The following LZTS1 variants were observed in gnomAD, a reference collection of about 807,000 sequenced individuals.
LZTS1 encodes the protein leucine zipper tumor suppressor 1, also known as leucine zipper putative tumor suppressor 1.
LZTS1 carries 31 observed loss-of-function variants against 45.8 expected under a neutral mutation model. That is an observed-to-expected ratio of 0.68 (90% CI 0.51 to 0.91). LZTS1 has a LOEUF of 0.91. Ranked by LOEUF, LZTS1 falls within the 40% of genes least tolerant of loss-of-function variation. LZTS1 has a pLI of 0.00. For missense variants in LZTS1, 821 were observed against 788.9 expected (o/e 1.04, Z -0.49); for synonymous variants, 359 against 357.3 (o/e 1.00, Z -0.05).
Position 20,303,887 on chromosome 8 carries a change from C to G in LZTS1, c.-282G>C, listed in dbSNP as rs1318021111. 3.1e-5 allele frequency: 31 copies of G among 984,862 alleles called. No homozygotes were observed. The highest frequency in any genetic ancestry group is 3.7e-5 in the Non-Finnish European group (31 of 829,784). 61.0% of individuals were successfully genotyped at this position (984,862 alleles called of 1,614,324 possible). A position where few individuals can be genotyped will look rare whatever the true frequency, so the allele number is the denominator to read the frequency against. On this transcript the variant is annotated 5_prime_UTR_variant, in exon 1 of 4. Transcript: ENST00000381569. ...CAGCTCCCGGCTCCCACTCACTGGC[C>G]GAGGCGGGCAGAGAAACTTTCGGCC... is the stretch of plus-strand genomic sequence containing the variant.
At chr8:20,274,956 T>C (rs1473299716) in intron 1 of LZTS1, among the ~76,000 whole-genome samples, 1 of 138,764 alleles carries the variant, frequency 7.2e-6, no homozygotes, top group Non-Finnish European at 1.6e-5. Flanking sequence ...GTGGCTGCCA[T>C]GATACTGTGT....
At chr8:20,276,608 CAGTA>C (rs1386817593) in intron 1 of LZTS1, among the ~76,000 whole-genome samples, 2 of 152,216 alleles carry the variant, frequency 1.3e-5, no homozygotes, top group East Asian at 1.9e-4. Flanking sequence ...TACAATCAAT[CAGTA>C]AGTGTGTTTC....
At chr8:20,250,458 G>A (rs1283006200) in intron 3 of LZTS1, 95 bp from the exon 4 acceptor site, 9 of 1,256,846 alleles carry the variant, frequency 7.2e-6, no homozygotes, top group Admixed American at 2.6e-5. Context: ...AAGCCACTCC[G>A]GATGCGGTGG....
At chr8:20,259,295 C>T (rs140361384) in intron 1 of LZTS1, among the ~76,000 whole-genome samples, 1 of 152,224 alleles carries the variant, frequency 6.6e-6, no homozygotes, top group Non-Finnish European at 1.5e-5. Flanking sequence ...AAATACAAGG[C>T]CTGGCATGTA....
intron 1 of LZTS1, among the ~76,000 whole-genome samples, chr8:20,296,670 G>T (rs149336466): frequency 3.5e-4 from 54 of 152,310 alleles, no homozygotes; most frequent in African/African-American, 1.3e-3. Flanking sequence ...CAATGAGAGT[G>T]GATGAATGAA....
chr8:20,287,132 C>A (rs979713771), intron 1 of LZTS1, among the ~76,000 whole-genome samples: 1 of 152,282 alleles, frequency 6.6e-6, no homozygotes, highest in Non-Finnish European at 1.5e-5. Context: ...TTCTTTCTGC[C>A]CAATTTACCA....
chr8:20,294,804 G>A (rs1045727622), intron 1 of LZTS1, among the ~76,000 whole-genome samples: 25 of 152,078 alleles, frequency 1.6e-4, no homozygotes, highest in Non-Finnish European at 2.8e-4. Context: ...GGATGACCAT[G>A]GGAGACAGAG....
chr8:20,303,283 C>T (rs1438777999), intron 1 of LZTS1, among the ~76,000 whole-genome samples: 2 of 152,140 alleles, frequency 1.3e-5, no homozygotes, highest in Non-Finnish European at 2.9e-5. Flanking sequence ...GGACACAGCT[C>T]ATCTGCAAAG....
intron 3 of LZTS1, among the ~76,000 whole-genome samples, 184 bp downstream of exon 3, chr8:20,252,598 G>A (rs1186521188): frequency 6.6e-6 from 1 of 152,230 alleles, no homozygotes; most frequent in Non-Finnish European, 1.5e-5. Context: ...AGGAAGCTCA[G>A]ATGTAAGTCG....
Position 20,253,626 on chromosome 8 carries a change from C to T in LZTS1, c.346-41G>A, listed in dbSNP as rs985004892. 3.4e-5 allele frequency: 47 copies of T among 1,400,862 alleles called. No individual in the cohort carries two copies. The African/African-American group carries it at 3.9e-4, about 12-fold the overall frequency. 86.8% of individuals were successfully genotyped at this position (1,400,862 alleles called of 1,614,324 possible). On this transcript the variant is annotated intron_variant, in intron 2 of 3. Coordinates refer to ENST00000381569, the MANE Select transcript of LZTS1 (RefSeq NM_021020.5). ...ACCGCGGTGACTCATGCCTCCCCTGCGCGCGCATTGCACCCTCCCTCCCCA... is the reference window on the plus strand; with the variant it reads ...ACCGCGGTGACTCATGCCTCCCCTGTGCGCGCATTGCACCCTCCCTCCCCA...
intron 1 of LZTS1, among the ~76,000 whole-genome samples, chr8:20,262,556 C>G (rs1245830279): frequency 1.3e-5 from 2 of 152,008 alleles, no homozygotes; most frequent in Non-Finnish European, 2.9e-5. Flanking sequence ...GAAGAGCCAG[C>G]CTGATAAAGT....
rs144376551 is a variant in LZTS1, at chr8:20,252,868, C to G, written c.1063G>C (p.Glu355Gln). Residue 355 changes from glutamate to glutamine, a missense_variant, in exon 3 of 4, where the codon GAG becomes CAG. Physicochemically the swap from Glu to Gln is conservative, Grantham distance 29. Coordinates refer to ENST00000381569, the MANE Select transcript of LZTS1 (RefSeq NM_021020.5). The stretch of plus-strand genomic sequence containing the variant: ...AGCTTGGTCTCCAGCAGGTCCTGCT[C>G]CTTCATGAGGCTCTCGAGCTCCTGC... The part of the protein sequence containing the change: ...LRQELESLMK[E>Q]QDLLETKLRS... 1.5e-4 allele frequency: 238 copies of G among 1,610,532 alleles called. No homozygotes were observed. In the African/African-American group the frequency reaches 2.9e-3, roughly 20 times the overall value.
intron 1 of LZTS1, among the ~76,000 whole-genome samples, chr8:20,299,783 C>G (rs1485181702): frequency 1.3e-5 from 2 of 152,202 alleles, no homozygotes; most frequent in African/African-American, 2.4e-5. Flanking sequence ...GCAATTCACA[C>G]TCTCAACTGC....
chr8:20,279,685 A>AAAAG (rs1236945514), intron 1 of LZTS1, among the ~76,000 whole-genome samples: 74 of 149,154 alleles, frequency 5.0e-4, no homozygotes, highest in African/African-American at 1.8e-3. Context: ...CTGTCTCAAA[A>AAAAG]AAAAAAAAAA....
At chr8:20,258,649 T>G (rs919437937) in intron 1 of LZTS1, among the ~76,000 whole-genome samples, 1 of 152,180 alleles carries the variant, frequency 6.6e-6, no homozygotes. Flanking sequence ...CATAGGATCG[T>G]TATGAGAAAT....
intron 1 of LZTS1, among the ~76,000 whole-genome samples, chr8:20,272,357 TC>T (rs1434385257): frequency 6.6e-6 from 1 of 152,100 alleles, no homozygotes; most frequent in African/African-American, 2.4e-5. Context: ...GCTTTTTTCC[TC>T]CCCTGTGGCT....
intron 1 of LZTS1, among the ~76,000 whole-genome samples, chr8:20,287,562 G>C (rs1367046957): frequency 1.3e-5 from 2 of 152,156 alleles, no homozygotes; most frequent in Non-Finnish European, 2.9e-5. Context: ...CGTCTTCAGG[G>C]CAGGGAGGTT....
chr8:20,250,438 T>G (rs950887597), intron 3 of LZTS1, 75 bp from the exon 4 acceptor site: 3 of 1,431,176 alleles, frequency 2.1e-6, no homozygotes, highest in Admixed American at 2.5e-5. Flanking sequence ...CTCAGCTGCC[T>G]AAAATAACCA....
chr8:20,262,652 G>A (rs1800260575), intron 1 of LZTS1, among the ~76,000 whole-genome samples: 1 of 152,196 alleles, frequency 6.6e-6, no homozygotes, highest in Non-Finnish European at 1.5e-5. Context: ...TGGTGTCAGA[G>A]CAGCAGTTCT....
Sources: allele counts gnomAD v4.1 joint callset (sites outside exome capture counted in the v4.1 genomes callset), GRCh38; gene constraint gnomAD v4.1.1; transcripts MANE v1.5; gene names NCBI Gene and HGNC (gene_info 2026-07-23, HGNC 2026-07-21).